Variants in TSPAN11 observed in about 807,000 individuals in gnomAD.
TSPAN11 encodes tetraspanin 11, also known as tetraspanin-11.
TSPAN11 carries 29 observed loss-of-function variants against 32.9 expected under a neutral mutation model. That is an observed-to-expected ratio of 0.88 (90% CI 0.66 to 1.20). The LOEUF (loss-of-function observed/expected upper bound fraction) is 1.20. TSPAN11 is among the 50% of genes most tolerant of loss of function. The probability of loss-of-function intolerance (pLI) is 0.00; values close to 1 mark genes in which losing one functional copy is unlikely to be tolerated. For missense variants in TSPAN11, 283 were observed against 329.1 expected, an observed-to-expected ratio of 0.86 and a Z score of 1.08; for synonymous variants, 140 against 141.3, an observed-to-expected ratio of 0.99 and a Z score of 0.07.
chr12:30,985,768 AGAGCC>A (rs1408474021), intron 7 of TSPAN11, among the ~76,000 whole-genome samples: 2 of 152,258 alleles, frequency 1.3e-5, no homozygotes, highest in Non-Finnish European at 2.9e-5. Flanking sequence ...GCGGATGCCC[AGAGCC>A]GACGGTCAAG....
chr12:30,986,530 AG>A (rs1224400010), intron 7 of TSPAN11, among the ~76,000 whole-genome samples: 1 of 152,180 alleles, frequency 6.6e-6, no homozygotes, highest in Non-Finnish European at 1.5e-5. Context: ...AGCTACACTA[AG>A]GGTTTCCAAT....
chr12:31,001,661 C>G, the TSPAN11 span, among the ~76,000 whole-genome samples: 2 of 152,166 alleles, frequency 1.3e-5, no homozygotes, highest in African/African-American at 4.8e-5. Context: ...GTAAGCCACC[C>G]TTTCTCAATT....
chr12:30,969,664 A>G (rs1056729482), intron 3 of TSPAN11, among the ~76,000 whole-genome samples: 13 of 152,184 alleles, frequency 8.5e-5, no homozygotes, highest in Admixed American at 7.9e-4. Flanking sequence ...TCTATGGCCA[A>G]TTAGCTTCCA....
downstream of TSPAN11, chr12:30,999,162 A>C (rs1355366095): frequency 6.6e-6 from 1 of 151,952 alleles, no homozygotes; most frequent in Non-Finnish European, 1.5e-5. Context: ...AATAAACAAA[A>C]TTGGCCGGGC....
At position 30,948,204 on chromosome 12, in the gene TSPAN11, G is replaced by A. The variant is rs376872038; in HGVS notation, c.-11-5777G>A. Among the ~76,000 whole-genome samples, 39 of 152,276 alleles carry A rather than the reference G, an allele frequency of 2.6e-4. 2 individuals are homozygous for A. The highest frequency in any genetic ancestry group is 8.3e-4 in the South Asian group (4 of 4,826). On this transcript the variant is annotated intron_variant, in intron 1 of 7. Transcript: ENST00000546076. ...ACAGCTGCTTTCACAGGCTGGCATC[G>A]AGTGTCTGCAGCTTTTCCAGGCGCA...
chr12:30,937,074 AAAG>A (rs1347794877), intron 1 of TSPAN11, among the ~76,000 whole-genome samples: 5 of 152,360 alleles, frequency 3.3e-5, no homozygotes, highest in African/African-American at 1.2e-4. Flanking sequence ...GAAGGCTTCA[AAAG>A]AAGATGTGAC....
At position 30,996,170 on chromosome 12, in the gene TSPAN11, G is replaced by A. The variant is rs894424334; in HGVS notation, c.*4255G>A. On this transcript the variant is annotated 3_prime_UTR_variant, in exon 8 of 8. Transcript: ENST00000546076. ...GACTCTTGGATCGCCTGTGATCTTG[G>A]CCAGGAGACCAGGTGCCTGGGTCCC... 6.6e-6 allele frequency: 1 copy of A among 152,234 alleles called. No homozygotes were observed. The highest frequency in any genetic ancestry group is 6.5e-5 in the Admixed American group (1 of 15,286). The allele number at this position is 152,234 out of a possible 1,614,324, so 9.4% of individuals were successfully genotyped here. A position where few individuals can be genotyped will look rare whatever the true frequency, so the allele number is the denominator to read the frequency against.
chr12:30,945,650 C>T (rs78608131), intron 1 of TSPAN11, among the ~76,000 whole-genome samples: 15,240 of 151,950 alleles, frequency 0.1, 2,115 homozygotes, highest in African/African-American at 0.31. Flanking sequence ...TGTCCCTTGT[C>T]TTCTCGGTGC....
chr12:30,983,117 G>T lies in TSPAN11; in HGVS notation c.669G>T (p.Met223Ile). The T allele has an allele frequency of 1.2e-6, 2 of 1,613,306 alleles. No individual in the cohort carries two copies. Among genetic ancestry groups the T allele is most frequent in the Non-Finnish European group, 1.7e-6 (2 of 1,179,968 alleles). Residue 223 changes from methionine to isoleucine, a missense_variant, in exon 7 of 8, where the codon ATG becomes ATT. Physicochemically the swap from Met to Ile is conservative, Grantham distance 10. Transcript: ENST00000546076. ...EQFLADHLLL[M>I]GAVGIGVACL... Reference sequence around the variant, plus strand: ...TCCTGGCCGACCACCTGCTGCTTATGGGGGCAGTGGGCATCGGGGTGGCCT... The same window carrying T: ...TCCTGGCCGACCACCTGCTGCTTATTGGGGCAGTGGGCATCGGGGTGGCCT...
At chr12:30,969,446 T>C (rs994259377) in intron 3 of TSPAN11, among the ~76,000 whole-genome samples, 1 of 152,312 alleles carries the variant, frequency 6.6e-6, no homozygotes, top group East Asian at 1.9e-4. Flanking sequence ...AGTCCTTTCC[T>C]CATCCAGCGT....
At chr12:30,982,385 A>G (rs1243930833) in intron 5 of TSPAN11, 147 bp from the exon 6 acceptor site, 2 of 1,197,096 alleles carry the variant, frequency 1.7e-6, no homozygotes, top group Non-Finnish European at 2.3e-6. Context: ...AAAGCATGGG[A>G]AGGGAAAACA....
At chr12:30,956,110 A>C in intron 2 of TSPAN11, among the ~76,000 whole-genome samples, 1 of 152,176 alleles carries the variant, frequency 6.6e-6, no homozygotes, top group East Asian at 1.9e-4. Context: ...GGGATTTATA[A>C]GGTGAAATTG....
chr12:30,978,802 G>A lies in TSPAN11; in HGVS notation c.351+167G>A, dbSNP rs189348800. On this transcript the variant is annotated intron_variant, in intron 4 of 7. Coordinates refer to ENST00000546076, the MANE Select transcript of TSPAN11 (RefSeq NM_001370302.1). ...TATCTGCATCCCAGCTGCTGGTCCT[G>A]GCTCCAGCAATTCTGTGCTGCATCT... 1.8e-4 allele frequency: 112 copies of A among 638,824 alleles called. 2 individuals are homozygous for A. In the Admixed American group the frequency reaches 2.3e-3, roughly 13 times the overall value. The allele number at this position is 638,824 out of a possible 1,614,324, so 39.6% of individuals were successfully genotyped here.
intron 3 of TSPAN11, among the ~76,000 whole-genome samples, chr12:30,974,303 G>A (rs1425783189): frequency 6.6e-6 from 1 of 152,244 alleles, no homozygotes; most frequent in African/African-American, 2.4e-5. Context: ...CCTCGGCACT[G>A]CTGGCATTTT....
At chr12:31,012,068 C>G in the TSPAN11 span, among the ~76,000 whole-genome samples, 1 of 152,248 alleles carries the variant, frequency 6.6e-6, no homozygotes, top group Admixed American at 6.5e-5. Context: ...CCTAACACAG[C>G]CTCTTTATAA....
At chr12:30,943,165 C>T (rs1265869283) in intron 1 of TSPAN11, among the ~76,000 whole-genome samples, 1 of 152,216 alleles carries the variant, frequency 6.6e-6, no homozygotes, top group African/African-American at 2.4e-5. Context: ...CTGCCTCCCA[C>T]AGCCCCGACT....
At chr12:30,952,263 A>G (rs1938396895) in intron 1 of TSPAN11, among the ~76,000 whole-genome samples, 1 of 152,100 alleles carries the variant, frequency 6.6e-6, no homozygotes. Context: ...CCACTTGCTA[A>G]GGGCCTGCGG....
At chr12:30,984,981 A>G (rs991997798) in intron 7 of TSPAN11, among the ~76,000 whole-genome samples, 3 of 151,984 alleles carry the variant, frequency 2.0e-5, no homozygotes, top group Non-Finnish European at 4.4e-5. Context: ...ACTCCCTACC[A>G]TGACACACAG....
intron 2 of TSPAN11, among the ~76,000 whole-genome samples, chr12:30,958,807 G>C (rs1428085712): frequency 1.3e-5 from 2 of 152,154 alleles, no homozygotes; most frequent in Non-Finnish European, 2.9e-5. Flanking sequence ...TGTCAGGCAT[G>C]GGTCCCTTGA....
Sources: allele counts gnomAD v4.1 joint callset (sites outside exome capture counted in the v4.1 genomes callset), GRCh38; gene constraint gnomAD v4.1.1; transcripts MANE v1.5; gene names NCBI Gene and HGNC (gene_info 2026-07-23, HGNC 2026-07-21).